ACTL8: variants seen among roughly 807,000 people sequenced by gnomAD.
ACTL8 encodes the protein actin-like protein 8.
In ACTL8, 3 loss-of-function variants were observed where a neutral mutation model predicts 9.3. That is an observed-to-expected ratio of 0.32 (90% CI 0.15 to 0.83). The LOEUF (loss-of-function observed/expected upper bound fraction) is 0.83. ACTL8 is among the 40% of genes least tolerant of loss of function. ACTL8 has a pLI of 0.57. For missense variants in ACTL8, 381 were observed against 492.2 expected, an observed-to-expected ratio of 0.77 and a Z score of 2.14; for synonymous variants, 224 against 205.9, an observed-to-expected ratio of 1.09 and a Z score of -0.75.
intron 1 of ACTL8, among the ~76,000 whole-genome samples, chr1:17,809,673 G>A (rs1217395569): frequency 5.3e-5 from 8 of 151,762 alleles, no homozygotes; most frequent in East Asian, 1.9e-4. Context: ...TCTAGGTTGC[G>A]TGCTCCTTAT....
rs1317921245 is a variant in ACTL8 at position 17,818,688 on chromosome 1, T to C, written c.-24-4297T>C. ...TCAGTTTTCTGCTCAGATGTCACCCTAGAAGGAGGCCTTTGATGACTGCTC... is the reference window on the plus strand; with the variant it reads ...TCAGTTTTCTGCTCAGATGTCACCCCAGAAGGAGGCCTTTGATGACTGCTC... On this transcript the variant is annotated intron_variant, in intron 1 of 2. Coordinates refer to ENST00000375406, the MANE Select transcript of ACTL8 (RefSeq NM_030812.3). Among the ~76,000 whole-genome samples, 3 of 152,334 alleles carry C rather than the reference T, an allele frequency of 2.0e-5. No homozygotes were observed. The East Asian group carries it at 5.8e-4, about 29-fold the overall frequency.
At chr1:17,760,340 CA>C (rs1553119179) in intron 1 of ACTL8, among the ~76,000 whole-genome samples, 1 of 152,120 alleles carries the variant, frequency 6.6e-6, no homozygotes, top group Non-Finnish European at 1.5e-5. Flanking sequence ...ATGAGGGTGG[CA>C]GCTCAAACTG....
intron 1 of ACTL8, among the ~76,000 whole-genome samples, chr1:17,807,389 A>G (rs2066366240): frequency 6.6e-6 from 1 of 152,148 alleles, no homozygotes; most frequent in Admixed American, 6.5e-5. Context: ...CAGCTCCTCA[A>G]TAGCTGTGGG....
intron 1 of ACTL8, among the ~76,000 whole-genome samples, chr1:17,777,552 G>A (rs1431609988): frequency 6.6e-6 from 1 of 152,166 alleles, no homozygotes; most frequent in Non-Finnish European, 1.5e-5. Flanking sequence ...TGATAGATTG[G>A]CCGTTGCTTA....
At chr1:17,808,438 A>G (rs2066373010) in intron 1 of ACTL8, among the ~76,000 whole-genome samples, 1 of 152,230 alleles carries the variant, frequency 6.6e-6, no homozygotes, top group Admixed American at 6.5e-5. Flanking sequence ...ATAATTAATC[A>G]TGGCAGTGAT....
At position 17,826,467 on chromosome 1, in the gene ACTL8, A is replaced by G. The variant is rs750884181; in HGVS notation, c.1049A>G (p.Tyr350Cys). 27 of 1,609,762 alleles carry G rather than the reference A, an allele frequency of 1.7e-5. No individual in the cohort carries two copies. The highest frequency in any genetic ancestry group is 2.2e-5 in the South Asian group (2 of 90,452). The change falls in exon 3 of 3, where the codon TAC (tyrosine) becomes TGC (cysteine). Residue 350 changes from tyrosine (Y) to cysteine (C), a missense_variant. Around this residue, in one of 3 missense-constraint regions of ACTL8, gnomAD observed 243 missense variants for 276.2 expected, o/e 0.88. Transcript: ENST00000375406. The surrounding 1 kb of genome is among the most constrained non-coding windows in gnomAD (Gnocchi z 4.5). ...GASVVAHLST[Y>C]QSEWMSREEY... ...TCCGTGGTGGCTCACCTTTCTACCTACCAGTCTGAGTGGATGTCCCGAGAG... is the reference window on the plus strand; with the variant it reads ...TCCGTGGTGGCTCACCTTTCTACCTGCCAGTCTGAGTGGATGTCCCGAGAG...
intron 1 of ACTL8, among the ~76,000 whole-genome samples, chr1:17,805,817 G>A (rs1197232382): frequency 6.6e-6 from 1 of 152,190 alleles, no homozygotes; most frequent in African/African-American, 2.4e-5. Flanking sequence ...TACATAGAAG[G>A]TGCTCAGTAA....
At chr1:17,759,724 GCCTCTTC>G (rs1398845839) in intron 1 of ACTL8, among the ~76,000 whole-genome samples, 4 of 152,132 alleles carry the variant, frequency 2.6e-5, no homozygotes, top group African/African-American at 4.8e-5. Flanking sequence ...TGGAGTAGAA[GCCTCTTC>G]CTTGAGGGCT....
chr1:17,810,639 C>T (rs79595504), intron 1 of ACTL8, among the ~76,000 whole-genome samples: 9,639 of 152,224 alleles, frequency 0.063, 787 homozygotes, highest in East Asian at 0.24. Context: ...GAGACAGTTC[C>T]ACCACCTCCA....
At chr1:17,819,366 C>T (rs1192278834) in intron 1 of ACTL8, among the ~76,000 whole-genome samples, 1 of 152,240 alleles carries the variant, frequency 6.6e-6, no homozygotes, top group African/African-American at 2.4e-5. Context: ...TCCATCTCCA[C>T]GCTCCTTCTT....
chr1:17,812,980 A>AAAATATTT (rs1190083341), intron 1 of ACTL8, among the ~76,000 whole-genome samples: 4 of 152,222 alleles, frequency 2.6e-5, no homozygotes, highest in African/African-American at 9.6e-5. Context: ...ATTGGTTTTT[A>AAAATATTT]AAATATTTAA....
At chr1:17,822,568 T>C (rs1469642337) in intron 1 of ACTL8, among the ~76,000 whole-genome samples, 1 of 152,202 alleles carries the variant, frequency 6.6e-6, no homozygotes, top group African/African-American at 2.4e-5. Context: ...AGGCTGATGT[T>C]TCATGTTCCT....
intron 1 of ACTL8, among the ~76,000 whole-genome samples, chr1:17,762,275 A>C (rs971573823): frequency 6.6e-6 from 1 of 152,046 alleles, no homozygotes; most frequent in Non-Finnish European, 1.5e-5. Context: ...TCGTGCAGCA[A>C]ATTCGTGGCA....
intron 1 of ACTL8, among the ~76,000 whole-genome samples, chr1:17,819,758 TG>T (rs2053634681): frequency 6.6e-6 from 1 of 152,160 alleles, no homozygotes; most frequent in South Asian, 2.1e-4. Flanking sequence ...GGGCCAGGTG[TG>T]GTGGCTTACA....
intron 1 of ACTL8, among the ~76,000 whole-genome samples, chr1:17,792,991 G>T (rs1206870410): frequency 6.6e-6 from 1 of 152,218 alleles, no homozygotes; most frequent in African/African-American, 2.4e-5. Flanking sequence ...GGAACCAAAG[G>T]CTTCTTGCCC....
At chr1:17,789,135 T>C (rs995799917) in intron 1 of ACTL8, among the ~76,000 whole-genome samples, 3 of 152,224 alleles carry the variant, frequency 2.0e-5, no homozygotes, top group African/African-American at 7.2e-5. Context: ...TAAACAAATA[T>C]GTATCAGGAC....
chr1:17,776,103 C>A (rs2066116701), intron 1 of ACTL8, among the ~76,000 whole-genome samples: 1 of 152,178 alleles, frequency 6.6e-6, no homozygotes, highest in Non-Finnish European at 1.5e-5. Context: ...CTTGCCTCCC[C>A]AACCAAAACT....
chr1:17,799,537 T>G (rs2066305536), intron 1 of ACTL8, among the ~76,000 whole-genome samples: 1 of 152,122 alleles, frequency 6.6e-6, no homozygotes, highest in African/African-American at 2.4e-5. Flanking sequence ...CCCATTTTGA[T>G]ATGTTTGTCT....
chr1:17,764,046 CTCTG>C (rs1225158158), intron 1 of ACTL8, among the ~76,000 whole-genome samples: 1 of 151,820 alleles, frequency 6.6e-6, no homozygotes, highest in Non-Finnish European at 1.5e-5. Context: ...TGGAAAGCAG[CTCTG>C]TGTTGAGCTG....
Sources: allele counts gnomAD v4.1 joint callset (sites outside exome capture counted in the v4.1 genomes callset), GRCh38; gene constraint gnomAD v4.1.1; regional missense constraint gnomAD v4.1.1; non-coding constraint Gnocchi (gnomAD v3.1); transcripts MANE v1.5; gene names NCBI Gene and HGNC (gene_info 2026-07-23, HGNC 2026-07-21).